Variants in PTPN14 observed in about 807,000 individuals in gnomAD.
PTPN14 encodes protein tyrosine phosphatase non-receptor type 14.
Under a neutral mutation model 126.8 loss-of-function variants are expected in PTPN14, and 53 were observed. The ratio of observed to expected loss-of-function variants is 0.42; its 90% confidence interval spans 0.34 to 0.53. PTPN14 has a LOEUF of 0.53. Among genes scored for constraint, PTPN14 ranks in the 20% least tolerant of loss-of-function variants. The pLI is 0.08. For missense variants in PTPN14, 1,257 were observed against 1,552.9 expected, an observed-to-expected ratio of 0.81 and a Z score of 3.20; for synonymous variants, 630 against 599.3, an observed-to-expected ratio of 1.05 and a Z score of -0.75.
intron 15 of PTPN14, among the ~76,000 whole-genome samples, chr1:214,375,465 C>T (rs1658323340): frequency 6.6e-6 from 1 of 152,164 alleles, no homozygotes; most frequent in South Asian, 2.1e-4. Context: ...GAGTTCAGAG[C>T]AAATGGTGAC....
At chr1:214,412,024 C>T (rs115521501) in intron 4 of PTPN14, among the ~76,000 whole-genome samples, 2,605 of 152,166 alleles carry the variant, frequency 0.017, 80 homozygotes, top group African/African-American at 0.059. Context: ...TTTAAACAAA[C>T]CTATATCTAT....
At chr1:214,549,001 C>T (rs1167048742) in intron 1 of PTPN14, among the ~76,000 whole-genome samples, 1 of 152,148 alleles carries the variant, frequency 6.6e-6, no homozygotes, top group Non-Finnish European at 1.5e-5. Context: ...TCAGCCATTT[C>T]TCTCATGCAG....
intron 1 of PTPN14, among the ~76,000 whole-genome samples, chr1:214,541,660 C>G (rs1268771713): frequency 6.6e-6 from 1 of 152,134 alleles, no homozygotes; most frequent in Non-Finnish European, 1.5e-5. Context: ...ATTTACCTGT[C>G]CATTTCCTAC....
intron 1 of PTPN14, among the ~76,000 whole-genome samples, chr1:214,543,359 G>A (rs1273479323): frequency 2.0e-5 from 3 of 151,996 alleles, no homozygotes; most frequent in African/African-American, 7.3e-5. Flanking sequence ...AAGTATCCAA[G>A]TATAGCAAAA....
intron 3 of PTPN14, among the ~76,000 whole-genome samples, chr1:214,437,043 T>A (rs1224216790): frequency 2.0e-5 from 3 of 151,922 alleles, no homozygotes; most frequent in Non-Finnish European, 4.4e-5. Context: ...TATAGTGTAC[T>A]TCTAGTTGGT....
chr1:214,503,273 T>C (rs1654752566), intron 1 of PTPN14, among the ~76,000 whole-genome samples: 2 of 152,204 alleles, frequency 1.3e-5, no homozygotes, highest in African/African-American at 2.4e-5. Context: ...TCTAATGACA[T>C]GTAAGAGATA....
intron 3 of PTPN14, among the ~76,000 whole-genome samples, chr1:214,417,892 TA>T (rs1470550653): frequency 2.0e-5 from 3 of 152,230 alleles, no homozygotes; most frequent in Middle Eastern, 3.4e-3. Context: ...GAGAGCCATG[TA>T]AAACGGTTAA....
intron 5 of PTPN14, among the ~76,000 whole-genome samples, chr1:214,404,790 G>A (rs1659123595): frequency 1.3e-5 from 2 of 152,166 alleles, no homozygotes; most frequent in African/African-American, 4.8e-5. Flanking sequence ...TCTTTTCTCT[G>A]CTGAAGAAAT....
chr1:214,434,987 A>T (rs1278191758), intron 3 of PTPN14, among the ~76,000 whole-genome samples: 5 of 152,240 alleles, frequency 3.3e-5, no homozygotes, highest in African/African-American at 1.2e-4. Flanking sequence ...GAAAGCCACA[A>T]GAGGAGAATC....
chr1:214,450,046 T>C (rs1021083360), intron 3 of PTPN14, among the ~76,000 whole-genome samples: 30 of 151,888 alleles, frequency 2.0e-4, no homozygotes, highest in Admixed American at 7.2e-4. Context: ...CGCAGGAGGA[T>C]TGCGGGAGCC....
chr1:214,462,218 T>TCA (rs1216069768), intron 2 of PTPN14, among the ~76,000 whole-genome samples: 2 of 152,172 alleles, frequency 1.3e-5, no homozygotes, highest in Non-Finnish European at 2.9e-5. Context: ...CAATGGAATG[T>TCA]CAATCACACT....
Position 214,532,462 on chromosome 1 carries a change from A to T in PTPN14, c.-155+18721T>A. 4 of 826,554 alleles carry T rather than the reference A, an allele frequency of 4.8e-6. No homozygotes were observed. In the South Asian group the frequency reaches 5.3e-5, roughly 11 times the overall value. 51.2% of individuals were successfully genotyped at this position (826,554 alleles called of 1,614,324 possible). A position where few individuals can be genotyped will look rare whatever the true frequency, so the allele number is the denominator to read the frequency against. On this transcript the variant is annotated intron_variant, in intron 1 of 18. Transcript: ENST00000366956. ...AGCCTGAAAGACCACCTGGCCTCCT[A>T]CCTGGACAGACTGAGGAGCCTGGAG...
intron 1 of PTPN14, among the ~76,000 whole-genome samples, chr1:214,491,233 A>T (rs966824145): frequency 2.0e-5 from 3 of 152,122 alleles, no homozygotes; most frequent in Admixed American, 6.5e-5. Context: ...CTCTAAACCC[A>T]AACTTCATTT....
chr1:214,369,080 T>C lies in PTPN14; in HGVS notation c.3271+377A>G, dbSNP rs1437839822. On this transcript the variant is annotated intron_variant, in intron 17 of 18. Coordinates refer to ENST00000366956, the MANE Select transcript of PTPN14 (RefSeq NM_005401.5). The stretch of plus-strand genomic sequence containing the variant: ...GACCTTGCCTATTCTAGGAACCTCA[T>C]ATAAGTGGAATCACATAGTTTTTGT... 2.6e-5 allele frequency among the ~76,000 whole-genome samples: 4 copies of C among 152,216 alleles called. No individual in the cohort carries two copies. The East Asian group carries it at 5.8e-4, about 22-fold the overall frequency.
intron 2 of PTPN14, among the ~76,000 whole-genome samples, chr1:214,459,531 G>A (rs1230656922): frequency 3.4e-4 from 49 of 143,848 alleles, no homozygotes; most frequent in Middle Eastern, 4.2e-3. Flanking sequence ...GTGCAGTGGC[G>A]CGATCTTGGT....
chr1:214,375,010 T>C (rs1658308010), intron 15 of PTPN14, among the ~76,000 whole-genome samples: 1 of 152,210 alleles, frequency 6.6e-6, no homozygotes, highest in South Asian at 2.1e-4. Context: ...CCACTGACAG[T>C]TTATTTAAGA....
At chr1:214,519,328 T>C (rs1044185542) in intron 1 of PTPN14, among the ~76,000 whole-genome samples, 11 of 152,224 alleles carry the variant, frequency 7.2e-5, no homozygotes, top group Admixed American at 5.9e-4. Context: ...CAGCATTGCA[T>C]TCCTGTATCA....
intron 15 of PTPN14, 97 bp from the exon 16 acceptor site, chr1:214,372,936 T>C: frequency 6.6e-7 from 1 of 1,515,298 alleles, no homozygotes; most frequent in Non-Finnish European, 8.9e-7. Context: ...AAACCTTGGA[T>C]ATATTTTTGG....
chr1:214,487,281 A>T (rs1350004058), intron 1 of PTPN14, among the ~76,000 whole-genome samples: 2 of 152,076 alleles, frequency 1.3e-5, no homozygotes, highest in Non-Finnish European at 2.9e-5. Context: ...GGAGGCAGGG[A>T]ACACCTTATG....
Sources: allele counts gnomAD v4.1 joint callset (sites outside exome capture counted in the v4.1 genomes callset), GRCh38; gene constraint gnomAD v4.1.1; transcripts MANE v1.5; gene names NCBI Gene and HGNC (gene_info 2026-07-23, HGNC 2026-07-21).